RBFOX1: variants seen among roughly 807,000 people sequenced by gnomAD.
The protein encoded by RBFOX1 is RNA binding fox-1 homolog 1.
In RBFOX1, 8 loss-of-function variants were observed where a neutral mutation model predicts 57.7. That is an observed-to-expected ratio of 0.14 (90% CI 0.08 to 0.25). The LOEUF (loss-of-function observed/expected upper bound fraction) is 0.25. Ranked by LOEUF, RBFOX1 falls within the 10% of genes least tolerant of loss-of-function variation. The probability of loss-of-function intolerance (pLI) is 1.00; values close to 1 mark genes in which losing one functional copy is unlikely to be tolerated. For synonymous variants in RBFOX1, 326 were observed against 222.4 expected, an observed-to-expected ratio of 1.47 and a Z score of -4.15; for missense variants, 611 against 548.5, an observed-to-expected ratio of 1.11 and a Z score of -1.14.
intron 2 of RBFOX1, among the ~76,000 whole-genome samples, chr16:6,422,038 A>G (rs1357310971): frequency 4.1e-5 from 5 of 120,556 alleles, no homozygotes; most frequent in Non-Finnish European, 9.5e-5. Flanking sequence ...CTCCTGCCTC[A>G]GCCTCCCGAG....
intron 3 of RBFOX1, among the ~76,000 whole-genome samples, chr16:6,676,596 G>C (rs757452638): frequency 1.3e-5 from 2 of 150,930 alleles, no homozygotes; most frequent in Non-Finnish European, 3.0e-5. Context: ...GGACCAGCTC[G>C]GAAAAAAGGA....
At chr16:7,139,176 C>CTCTCTCTCTCTCTGTGTGTGTG (rs372381673) in intron 4 of RBFOX1, among the ~76,000 whole-genome samples, 241 of 145,902 alleles carry the variant, frequency 1.7e-3, no homozygotes, top group South Asian at 4.7e-3. Context: ...CAATCTCTCT[C>CTCTCTCTCTCTCTGTGTGTGTG]TGTGTGTGTG....
At chr16:7,558,368 A>G (rs976936518) in intron 5 of RBFOX1, among the ~76,000 whole-genome samples, 1 of 146,892 alleles carries the variant, frequency 6.8e-6, no homozygotes, top group Non-Finnish European at 1.5e-5. Context: ...TAAGACATAC[A>G]TATATATATA....
At chr16:7,474,643 G>A (rs1432282755) in intron 4 of RBFOX1, among the ~76,000 whole-genome samples, 1 of 152,212 alleles carries the variant, frequency 6.6e-6, no homozygotes, top group African/African-American at 2.4e-5. Context: ...TCTAAAGTCG[G>A]ACTGGCTTTC....
intron 2 of RBFOX1, among the ~76,000 whole-genome samples, chr16:5,586,550 T>A (rs150358245): frequency 1.5e-3 from 222 of 152,270 alleles, no homozygotes; most frequent in Non-Finnish European, 2.9e-3. Context: ...CAGGCTGGAG[T>A]ACAGTGGCAT....
intron 14 of RBFOX1, among the ~76,000 whole-genome samples, chr16:7,704,444 G>A (rs954291609): frequency 3.3e-5 from 5 of 152,174 alleles, no homozygotes; most frequent in African/African-American, 9.7e-5. Context: ...GAAGCATCCT[G>A]AATGTGTCTG....
At chr16:7,453,682 G>A (rs144891855) in intron 4 of RBFOX1, among the ~76,000 whole-genome samples, 2,283 of 152,240 alleles carry the variant, frequency 0.015, 25 homozygotes, top group Non-Finnish European at 0.024. Context: ...ACTGGTCAAG[G>A]TACTGAGGGT....
chr16:6,353,647 G>C (rs1188009281), intron 2 of RBFOX1, among the ~76,000 whole-genome samples: 1 of 152,112 alleles, frequency 6.6e-6, no homozygotes, highest in East Asian at 1.9e-4. Context: ...AAGGGGGCTT[G>C]TATCTAAGGA....
intron 2 of RBFOX1, among the ~76,000 whole-genome samples, chr16:5,552,145 A>G (rs148159344): frequency 3.9e-5 from 6 of 152,312 alleles, no homozygotes; most frequent in Admixed American, 1.3e-4. Context: ...CGTGGCCAGA[A>G]CTTAACGCAA....
At chr16:6,014,579 A>G (rs2094981966), upstream of RBFOX1, among the ~76,000 whole-genome samples, 2 of 152,166 alleles carry the variant, frequency 1.3e-5, no homozygotes, top group Non-Finnish European at 2.9e-5. Context: ...TGAGGGGGGA[A>G]CAGAGAATAT....
chr16:6,918,512 C>G (rs2073761779), intron 3 of RBFOX1, among the ~76,000 whole-genome samples: 1 of 152,100 alleles, frequency 6.6e-6, no homozygotes, highest in Non-Finnish European at 1.5e-5. Context: ...TGCCTGGGCC[C>G]TAATTCATAA....
chr16:5,357,898 A>G (rs910468465), intron 1 of RBFOX1, among the ~76,000 whole-genome samples: 2 of 152,260 alleles, frequency 1.3e-5, no homozygotes, highest in African/African-American at 4.8e-5. Flanking sequence ...TGTAAACCAG[A>G]TAAAAATGAC....
intron 4 of RBFOX1, among the ~76,000 whole-genome samples, chr16:7,192,868 A>C (rs558485487): frequency 3.3e-5 from 5 of 152,228 alleles, no homozygotes; most frequent in African/African-American, 1.2e-4. Context: ...TCCGAGGATC[A>C]TGTGCTTACA....
intron 3 of RBFOX1, among the ~76,000 whole-genome samples, chr16:5,791,594 A>T (rs1163958004): frequency 6.6e-6 from 1 of 152,138 alleles, no homozygotes; most frequent in Non-Finnish European, 1.5e-5. Flanking sequence ...AGGTTCCAGG[A>T]ACAAGGGGTC....
chr16:5,470,136 G>T (rs950190033), intron 2 of RBFOX1, among the ~76,000 whole-genome samples: 1 of 152,206 alleles, frequency 6.6e-6, no homozygotes, highest in African/African-American at 2.4e-5. Flanking sequence ...AGAGCTCCCA[G>T]AGTGAGGAAC....
chr16:7,563,002 T>TTAG (rs1567842378), intron 5 of RBFOX1, among the ~76,000 whole-genome samples: 1 of 152,174 alleles, frequency 6.6e-6, no homozygotes, highest in African/African-American at 2.4e-5. Context: ...GGGATTGCAA[T>TTAG]GCCAGGGCTC....
intron 2 of RBFOX1, among the ~76,000 whole-genome samples, chr16:6,434,480 C>T (rs975266084): frequency 6.6e-6 from 1 of 152,148 alleles, no homozygotes; most frequent in East Asian, 1.9e-4. Flanking sequence ...GAGCTGAAAG[C>T]CCTCATTTGT....
At chr16:6,963,406 A>C (rs1375715517) in intron 3 of RBFOX1, among the ~76,000 whole-genome samples, 2 of 152,192 alleles carry the variant, frequency 1.3e-5, no homozygotes, top group Non-Finnish European at 2.9e-5. Context: ...TTGAAATAAA[A>C]ATGTGTTGTT....
intron 1 of RBFOX1, among the ~76,000 whole-genome samples, chr16:6,125,449 C>T (rs1265694829): frequency 6.6e-6 from 1 of 152,156 alleles, no homozygotes; most frequent in Admixed American, 6.5e-5. Flanking sequence ...CATGGCTAGG[C>T]CTTCCAAGAG....
Sources: allele counts gnomAD v4.1 joint callset (sites outside exome capture counted in the v4.1 genomes callset), GRCh38; gene constraint gnomAD v4.1.1; transcripts MANE v1.5; gene names NCBI Gene and HGNC (gene_info 2026-07-23, HGNC 2026-07-21).